Variants in LTBP1 observed in about 807,000 individuals in gnomAD.
LTBP1 encodes latent transforming growth factor beta binding protein 1, also known as latent-transforming growth factor beta-binding protein 1.
A neutral mutation model predicts 207.6 loss-of-function variants in LTBP1; 129 were observed. The observed-to-expected ratio is 0.62, with a 90% CI of 0.54 to 0.72. The LOEUF (loss-of-function observed/expected upper bound fraction) is 0.72, where lower values mean the gene tolerates loss of function less well. Among genes scored for constraint, LTBP1 ranks in the 30% least tolerant of loss-of-function variants. The probability of loss-of-function intolerance (pLI) is 0.00; values close to 1 mark genes in which losing one functional copy is unlikely to be tolerated. For synonymous variants in LTBP1, 963 were observed against 833.7 expected, an observed-to-expected ratio of 1.16 and a Z score of -2.67; for missense variants, 2,281 against 2,217.2, an observed-to-expected ratio of 1.03 and a Z score of -0.58.
chr2:33,389,185 T>G lies in LTBP1; in HGVS notation c.4713T>G (p.Asp1571Glu). The change falls in exon 32 of 34, where the codon GAT becomes GAG. Residue 1571 changes from aspartate to glutamate, a missense_variant and splice_region_variant. Around this residue, in one of 3 missense-constraint regions of LTBP1, gnomAD observed 1,671 missense variants for 1,634.8 expected, o/e 1.02. Transcript: ENST00000404816. ...TCATGCTGCTTGTCTACTCCTTAGATGACTATGCTCAGCTGTGTAACATCC... is the reference window on the plus strand; with the variant it reads ...TCATGCTGCTTGTCTACTCCTTAGAGGACTATGCTCAGCTGTGTAACATCC... Reference protein sequence around the residue: ...QCALCPLKDSDDYAQLCNIPV... With the variant: ...QCALCPLKDSEDYAQLCNIPV... 1 of 1,614,100 alleles carries G rather than the reference T, an allele frequency of 6.2e-7. No individual in the cohort carries two copies. Among genetic ancestry groups the G allele is most frequent in the Non-Finnish European group, 8.5e-7 (1 of 1,180,000 alleles).
intron 15 of LTBP1, among the ~76,000 whole-genome samples, chr2:33,272,113 A>G (rs1022261472): frequency 4.2e-4 from 64 of 152,226 alleles, no homozygotes; most frequent in Non-Finnish European, 3.7e-4. Flanking sequence ...GATGACTTGC[A>G]TGAGTAGTCT....
At chr2:33,031,467 A>G (rs996360887) in intron 3 of LTBP1, among the ~76,000 whole-genome samples, 5 of 152,224 alleles carry the variant, frequency 3.3e-5, no homozygotes, top group South Asian at 2.1e-4. Context: ...AGGTACTCCA[A>G]TTGGAGGGAT....
At chr2:33,266,144 C>T (rs571579062) in intron 15 of LTBP1, among the ~76,000 whole-genome samples, 1 of 152,348 alleles carries the variant, frequency 6.6e-6, no homozygotes, top group Non-Finnish European at 1.5e-5. Flanking sequence ...TCCCCGCTGC[C>T]AGCGCCTGCT....
intron 2 of LTBP1, among the ~76,000 whole-genome samples, chr2:32,985,253 A>C (rs922946638): frequency 8.9e-6 from 1 of 112,568 alleles, no homozygotes; most frequent in Non-Finnish European, 2.1e-5. Context: ...TCCTTTGCTG[A>C]GTGACATGGT....
At chr2:33,254,754 C>A (rs1212653846) in intron 11 of LTBP1, among the ~76,000 whole-genome samples, 3 of 130,952 alleles carry the variant, frequency 2.3e-5, no homozygotes, top group Admixed American at 7.4e-5. Context: ...CGCCTCCCCC[C>A]ACCCCACAAC....
intron 2 of LTBP1, among the ~76,000 whole-genome samples, chr2:32,977,816 T>C (rs1682058280): frequency 6.6e-6 from 1 of 152,314 alleles, no homozygotes; most frequent in Admixed American, 6.5e-5. Flanking sequence ...CCTTGCTGCC[T>C]TGATGGATCC....
intron 2 of LTBP1, among the ~76,000 whole-genome samples, chr2:32,961,648 A>C (rs1679134442): frequency 6.6e-6 from 1 of 152,160 alleles, no homozygotes; most frequent in Non-Finnish European, 1.5e-5. Flanking sequence ...GGCTCATCAC[A>C]GTGCTTCACA....
At chr2:33,122,433 G>T (rs1397303217) in intron 4 of LTBP1, among the ~76,000 whole-genome samples, 8 of 152,170 alleles carry the variant, frequency 5.3e-5, no homozygotes, top group African/African-American at 1.7e-4. Context: ...GGCCACAGTG[G>T]ACTGGAAAGC....
chr2:32,988,169 A>G (rs1326363591), intron 2 of LTBP1, among the ~76,000 whole-genome samples: 1 of 152,196 alleles, frequency 6.6e-6, no homozygotes, highest in Non-Finnish European at 1.5e-5. Flanking sequence ...TCCCAGTAAT[A>G]TGGATTTTGG....
chr2:33,038,426 CT>C (rs2076028522), intron 3 of LTBP1, among the ~76,000 whole-genome samples: 2 of 152,222 alleles, frequency 1.3e-5, no homozygotes, highest in Non-Finnish European at 2.9e-5. Flanking sequence ...AACCTGTAAT[CT>C]AGGCATCCAG....
rs765586183 is a variant in LTBP1, at chr2:33,016,932, G to T, written c.566-3977G>T. On this transcript the variant is annotated intron_variant, in intron 2 of 33. Coordinates refer to ENST00000404816, the MANE Select transcript of LTBP1 (RefSeq NM_206943.4). ...CTTGGGAGGCTGAGGCAGGAGAATTGCTTGAATCTGAGGGACAGAAGTTGC... is the reference window on the plus strand; with the variant it reads ...CTTGGGAGGCTGAGGCAGGAGAATTTCTTGAATCTGAGGGACAGAAGTTGC... 3.9e-4 allele frequency among the ~76,000 whole-genome samples: 59 copies of T among 152,172 alleles called. 1 individual carries two copies. Among genetic ancestry groups the T allele is most frequent in the Non-Finnish European group, 7.6e-4 (52 of 68,020 alleles).
intron 8 of LTBP1, among the ~76,000 whole-genome samples, chr2:33,217,903 A>T (rs551361698): frequency 3.3e-5 from 5 of 152,216 alleles, no homozygotes; most frequent in Non-Finnish European, 7.3e-5. Flanking sequence ...AAAAAGTCTT[A>T]AGTGGTAATG....
intron 19 of LTBP1, among the ~76,000 whole-genome samples, chr2:33,288,397 A>C (rs567838398): frequency 6.6e-6 from 1 of 152,264 alleles, no homozygotes; most frequent in African/African-American, 2.4e-5. Context: ...GGAAATTTTA[A>C]ATTTTAAAAG....
At chr2:33,241,787 C>G (rs180864732) in intron 9 of LTBP1, among the ~76,000 whole-genome samples, 1 of 152,224 alleles carries the variant, frequency 6.6e-6, no homozygotes, top group African/African-American at 2.4e-5. Context: ...TAGGGCTTCA[C>G]TTGTACCGTG....
At chr2:33,059,768 C>G (rs1250066801) in intron 3 of LTBP1, among the ~76,000 whole-genome samples, 2 of 152,262 alleles carry the variant, frequency 1.3e-5, no homozygotes, top group South Asian at 2.1e-4. Context: ...ACTTTTCAAA[C>G]TAACTCTGAA....
At position 33,252,831 on chromosome 2, in the gene LTBP1, C is replaced by A; in HGVS notation, c.2154C>A (p.Pro718=). ...GGGGCCCACACTGTGAGAAATGTCC[C>A]CTTCCAGGCACAGGTAAGACATGCC... The part of the protein sequence containing the change: ...KAWGPHCEKC[P]LPGTAAFKEI... The change falls in exon 11 of 34, where the codon CCC becomes CCA. Residue 718 remains proline, a synonymous_variant. Coordinates refer to ENST00000404816, the MANE Select transcript of LTBP1 (RefSeq NM_206943.4). 6.2e-7 allele frequency: 1 copy of A among 1,606,462 alleles called. No homozygotes were observed. Among genetic ancestry groups the A allele is most frequent in the African/African-American group, 1.3e-5 (1 of 74,940 alleles).
At chr2:33,167,509 T>G (rs1241690903) in intron 5 of LTBP1, among the ~76,000 whole-genome samples, 1 of 152,246 alleles carries the variant, frequency 6.6e-6, no homozygotes, top group African/African-American at 2.4e-5. Flanking sequence ...CAGTCAGATG[T>G]GAACCCAGAC....
In LTBP1 at chr2:33,263,326, G is replaced by T. The variant is rs1441049299; in HGVS notation, c.2551G>T (p.Val851Phe). ...VIEKTSPPVPVEVAPEASTSS... is the reference protein window; with the variant it reads ...VIEKTSPPVPFEVAPEASTSS... ...TGAAAAAACATCACCTCCTGTGCCT[G>T]TTGAAGTAGCTCCTGAAGCTTCTAC... Residue 851 changes from valine to phenylalanine, a missense_variant, in exon 15 of 34, where the codon GTT becomes TTT. By Grantham distance (50) the Val-to-Phe change is conservative. This residue lies in a region of LTBP1 where 1,671 missense variants were observed against 1,634.8 expected (regional missense o/e 1.02). Coordinates refer to ENST00000404816, the MANE Select transcript of LTBP1 (RefSeq NM_206943.4). 9 of 1,613,776 alleles carry T rather than the reference G, an allele frequency of 5.6e-6. No homozygotes were observed. The South Asian group carries it at 6.6e-5, about 12-fold the overall frequency.
intron 3 of LTBP1, among the ~76,000 whole-genome samples, chr2:33,021,746 T>C (rs2075181176): frequency 6.6e-6 from 1 of 152,116 alleles, no homozygotes; most frequent in Non-Finnish European, 1.5e-5. Context: ...GCCGTGTGGG[T>C]CCATTTTTGG....
Sources: allele counts gnomAD v4.1 joint callset (sites outside exome capture counted in the v4.1 genomes callset), GRCh38; gene constraint gnomAD v4.1.1; regional missense constraint gnomAD v4.1.1; transcripts MANE v1.5; gene names NCBI Gene and HGNC (gene_info 2026-07-23, HGNC 2026-07-21).